Variants in UBAP2 observed in about 807,000 individuals in gnomAD.
UBAP2 encodes ubiquitin-associated protein 2.
A neutral mutation model predicts 139.6 loss-of-function variants in UBAP2; 75 were observed. That is an observed-to-expected ratio of 0.54 (90% CI 0.45 to 0.65). The LOEUF (loss-of-function observed/expected upper bound fraction) is 0.65. Ranked by LOEUF, UBAP2 falls within the 30% of genes least tolerant of loss-of-function variation. UBAP2 has a pLI of 0.00. For synonymous variants in UBAP2, 526 were observed against 526.2 expected, an observed-to-expected ratio of 1.00 and a Z score of 0.01; for missense variants, 1,368 against 1,369.6, an observed-to-expected ratio of 1.00 and a Z score of 0.02.
At chr9:33,960,968 A>G (rs1485296389) in intron 9 of UBAP2, 90 bp from the exon 10 acceptor site, 4 of 1,272,798 alleles carry the variant, frequency 3.1e-6, no homozygotes, top group Non-Finnish European at 4.6e-6. Context: ...CTATGCGGGG[A>G]AAAAAGATAC....
chr9:33,942,774 G>A (rs1204388146), intron 15 of UBAP2, among the ~76,000 whole-genome samples: 3 of 151,704 alleles, frequency 2.0e-5, no homozygotes, highest in African/African-American at 7.3e-5. Context: ...CTGAGATTTT[G>A]TATTTATAAA....
chr9:33,924,254 T>A lies in UBAP2; in HGVS notation c.2542A>T (p.Thr848Ser). Residue 848 changes from threonine to serine, a missense_variant, in exon 23 of 29, where the codon ACA becomes TCA. Coordinates refer to ENST00000379238, the MANE Select transcript of UBAP2 (RefSeq NM_001370062.2). The part of the protein sequence containing the change: ...DYYGIPFAAP[T>S]ALASRDGSLA... ...CTCCCATCTCGGCTGGCAAGCGCTG[T>A]GGGTGCAGCAAAGGGAATTCCATAG... The A allele has an allele frequency of 6.2e-7, 1 of 1,614,134 alleles. No individual in the cohort carries two copies. Among genetic ancestry groups the A allele is most frequent in the South Asian group, 1.1e-5 (1 of 91,084 alleles).
At chr9:34,007,422 G>GT (rs1465246783) in intron 2 of UBAP2, among the ~76,000 whole-genome samples, 2 of 151,790 alleles carry the variant, frequency 1.3e-5, no homozygotes, top group African/African-American at 4.8e-5. Context: ...CTTGAGCCTA[G>GT]GGGGGTCAAG....
chr9:34,014,576 C>T (rs1468859889), intron 2 of UBAP2, among the ~76,000 whole-genome samples: 1 of 151,928 alleles, frequency 6.6e-6, no homozygotes, highest in Non-Finnish European at 1.5e-5. Context: ...TTGCTGTGAA[C>T]TGAGATGGCA....
intron 1 of UBAP2, among the ~76,000 whole-genome samples, chr9:34,029,849 G>A (rs1260386127): frequency 6.6e-6 from 1 of 150,788 alleles, no homozygotes; most frequent in Non-Finnish European, 1.5e-5. Context: ...TTAGGCCGCT[G>A]TGGTGGGGGC....
At chr9:33,986,875 C>G (rs755936490) in intron 5 of UBAP2, 38 bp from the exon 6 acceptor site, 1 of 1,566,654 alleles carries the variant, frequency 6.4e-7, no homozygotes, top group South Asian at 1.1e-5. Context: ...ATTTCCATTT[C>G]CAAACCTCTT....
intron 2 of UBAP2, among the ~76,000 whole-genome samples, chr9:34,010,763 A>AT (rs1471355457): frequency 4.1e-4 from 62 of 151,698 alleles, no homozygotes; most frequent in Non-Finnish European, 1.0e-4. Flanking sequence ...TACAACAAAC[A>AT]TTTTTTTTTA....
At chr9:33,930,114 C>T (rs1389042982) in intron 19 of UBAP2, among the ~76,000 whole-genome samples, 2 of 152,112 alleles carry the variant, frequency 1.3e-5, no homozygotes, top group African/African-American at 4.8e-5. Context: ...TCATTAAAAA[C>T]TAGACTGATG....
chr9:34,039,456 TG>T (rs1826837275), intron 1 of UBAP2, among the ~76,000 whole-genome samples: 4 of 152,150 alleles, frequency 2.6e-5, no homozygotes, highest in African/African-American at 7.2e-5. Context: ...ATTGTTGCTG[TG>T]TTTGTGTAGA....
intron 8 of UBAP2, among the ~76,000 whole-genome samples, chr9:33,967,313 CTTATTT>C (rs1382574561): frequency 6.6e-6 from 1 of 152,164 alleles, no homozygotes; most frequent in Non-Finnish European, 1.5e-5. Flanking sequence ...TTATGACTTA[CTTATTT>C]TTTCTTTATT....
At chr9:33,973,902 T>G (rs1188997516) in intron 6 of UBAP2, among the ~76,000 whole-genome samples, 1 of 152,204 alleles carries the variant, frequency 6.6e-6, no homozygotes, top group Non-Finnish European at 1.5e-5. Context: ...AAATGGACTT[T>G]ATGAAAATTA....
chr9:33,974,942 G>T (rs539834817), intron 6 of UBAP2, among the ~76,000 whole-genome samples: 12 of 150,358 alleles, frequency 8.0e-5, no homozygotes, highest in African/African-American at 2.9e-4. Flanking sequence ...AAAAAAAAGG[G>T]GGGGGTGCGG....
chr9:34,007,115 A>G (rs1823287066), intron 2 of UBAP2, among the ~76,000 whole-genome samples: 1 of 152,190 alleles, frequency 6.6e-6, no homozygotes, highest in Non-Finnish European at 1.5e-5. Context: ...TCATCTATAA[A>G]TAAGAATATA....
intron 13 of UBAP2, among the ~76,000 whole-genome samples, chr9:33,948,033 C>G (rs760102232): frequency 6.7e-6 from 1 of 148,694 alleles, no homozygotes. Flanking sequence ...ATTCTATGTT[C>G]TATCACCACC....
chr9:34,029,468 G>A (rs1221744934), intron 1 of UBAP2, among the ~76,000 whole-genome samples: 1 of 151,536 alleles, frequency 6.6e-6, no homozygotes, highest in Non-Finnish European at 1.5e-5. Flanking sequence ...GGCGGAGGTT[G>A]CAATGAGCCA....
At chr9:33,975,668 T>C (rs1036844525) in intron 6 of UBAP2, among the ~76,000 whole-genome samples, 7 of 151,194 alleles carry the variant, frequency 4.6e-5, no homozygotes, top group Non-Finnish European at 8.8e-5. Flanking sequence ...TAGCCAGGCG[T>C]AGTGGCAGGC....
chr9:33,995,044 T>C (rs1270767775), intron 4 of UBAP2: 1 of 152,136 alleles, frequency 6.6e-6, no homozygotes, highest in Admixed American at 6.6e-5. Flanking sequence ...TACTCTAAAA[T>C]AGTTTCCTCA....
chr9:33,924,425 G>A, intron 22 of UBAP2, 141 bp from the exon 23 acceptor site: 1 of 798,682 alleles, frequency 1.3e-6, no homozygotes, highest in Non-Finnish European at 2.1e-6. Flanking sequence ...GGAACGCCAA[G>A]TAAATGGTGC....
At chr9:34,022,631 G>A (rs1437883648) in intron 1 of UBAP2, among the ~76,000 whole-genome samples, 1 of 151,530 alleles carries the variant, frequency 6.6e-6, no homozygotes, top group African/African-American at 2.4e-5. Flanking sequence ...TAGAGATGGG[G>A]TTTCACCATG....
Sources: gnomAD v4.1 joint callset for allele counts (sites outside exome capture counted in the v4.1 genomes callset) on GRCh38, gnomAD v4.1.1 for gene constraint, MANE v1.5 for transcripts, NCBI Gene and HGNC (gene_info 2026-07-23, HGNC 2026-07-21) for gene names.